The following CPO variants were observed in gnomAD, a reference collection of about 807,000 sequenced individuals.
The protein encoded by CPO is carboxypeptidase O, also known as metallocarboxypeptidase C.
Under a neutral mutation model 41.2 loss-of-function variants are expected in CPO, and 43 were observed. The ratio of observed to expected loss-of-function variants is 1.04; its 90% CI spans 0.82 to 1.35. The LOEUF (loss-of-function observed/expected upper bound fraction) is 1.35. CPO is among the 40% of genes most tolerant of loss of function. The pLI, the probability that CPO is intolerant of heterozygous loss-of-function variation, is 0.00. For missense variants in CPO, 408 were observed against 451.7 expected (o/e 0.90, Z 0.88); for synonymous variants, 178 against 162.7 (o/e 1.09, Z -0.72).
At chr2:206,946,203 C>G (rs1422501200) in intron 1 of CPO, among the ~76,000 whole-genome samples, 1 of 152,008 alleles carries the variant, frequency 6.6e-6, no homozygotes, top group African/African-American at 2.4e-5. Context: ...ACCAATATCT[C>G]TCATGAACAC....
chr2:206,945,315 C>T (rs564996242), intron 1 of CPO, among the ~76,000 whole-genome samples: 2 of 152,274 alleles, frequency 1.3e-5, no homozygotes, highest in Admixed American at 6.5e-5. Flanking sequence ...AAAGTTTGTA[C>T]CCCAACAGCT....
intron 7 of CPO, among the ~76,000 whole-genome samples, chr2:206,962,918 A>T (rs1157043366): frequency 6.6e-6 from 1 of 152,206 alleles, no homozygotes; most frequent in Admixed American, 6.5e-5. Flanking sequence ...ATGCACTTTC[A>T]TTTCTGTAAA....
In CPO at chr2:206,949,060, A is replaced by C. The variant is rs185103313; in HGVS notation, c.69-557A>C. On this transcript the variant is annotated intron_variant, in intron 1 of 8. Transcript: ENST00000272852. Reference sequence around the variant, plus strand: ...TAAATAATAAAGTTTATTTTTAAAAAGATAAACCATTGCAAAAAAAAAAAA... The same window carrying C: ...TAAATAATAAAGTTTATTTTTAAAACGATAAACCATTGCAAAAAAAAAAAA... Among the ~76,000 whole-genome samples the C allele has an allele frequency of 2.9e-3, 404 of 137,628 alleles. 2 individuals are homozygous for C. The highest frequency in any genetic ancestry group is 0.011 in the African/African-American group (399 of 37,506). 90.3% of individuals were successfully genotyped at this position (137,628 alleles called of 152,430 possible).
chr2:206,959,733 TG>T lies in CPO; in HGVS notation c.477del (p.Trp159Ter). 7.0e-7 allele frequency: 1 copy of T among 1,424,330 alleles called. No individual in the cohort carries two copies. Among genetic ancestry groups the T allele is most frequent in the Non-Finnish European group, 9.9e-7 (1 of 1,007,142 alleles). 88.2% of individuals were successfully genotyped at this position (1,424,330 alleles called of 1,614,324 possible). On this transcript the variant is annotated frameshift_variant, in exon 5 of 9. Coordinates refer to ENST00000272852, the MANE Select transcript of CPO (RefSeq NM_173077.3). LOFTEE classifies it high-confidence loss of function. ...TAACATAGATGGTTATATCTACACT[TG>T]GACAACTGTGAGTACACCATGTTTG... ...VLNIDGYIYT[W>X]TTDRLWRKSR...
chr2:206,960,709 C>T (rs1444633916), intron 5 of CPO, 143 bp from the exon 6 acceptor site: 3 of 669,118 alleles, frequency 4.5e-6, no homozygotes, highest in African/African-American at 3.6e-5. Context: ...AAAAATTACA[C>T]ACACAAGCTG....
Position 206,959,698 on chromosome 2 carries a change from T to C in CPO, c.440T>C (p.Leu147Pro). Reference sequence around the variant, plus strand: ...CTTAGGAACCTGGACTTCTATGTCCTTCCAGTTCTTAACATAGATGGTTAT... The same window carrying C: ...CTTAGGAACCTGGACTTCTATGTCCCTCCAGTTCTTAACATAGATGGTTAT... Reference protein sequence around the residue: ...KLLRNLDFYVLPVLNIDGYIY... With the variant: ...KLLRNLDFYVPPVLNIDGYIY... The change falls in exon 5 of 9, where the codon CTT (leucine) becomes CCT (proline). Residue 147 changes from leucine to proline, a missense_variant. By Grantham distance (98) the Leu-to-Pro change is moderately conservative (BLOSUM62 -3). Transcript: ENST00000272852. The C allele has an allele frequency of 6.3e-7, 1 of 1,578,364 alleles. No individual in the cohort carries two copies. The highest frequency in any genetic ancestry group is 2.2e-5 in the East Asian group (1 of 44,700).
rs1462106311 is a variant in CPO, at chr2:206,959,692, A to G, written c.434A>G (p.Tyr145Cys). The change falls in exon 5 of 9, where the codon TAT becomes TGT. Residue 145 changes from tyrosine (Y) to cysteine (C), a missense_variant. Transcript: ENST00000272852. ...AAGCTCCTTAGGAACCTGGACTTCT[A>G]TGTCCTTCCAGTTCTTAACATAGAT... Reference protein sequence around the residue: ...IRKLLRNLDFYVLPVLNIDGY... With the variant: ...IRKLLRNLDFCVLPVLNIDGY... 21 of 1,582,430 alleles carry G rather than the reference A, an allele frequency of 1.3e-5. No individual in the cohort carries two copies. The Admixed American group carries it at 3.2e-4, about 24-fold the overall frequency.
chr2:206,951,110 T>C (rs1325246673), intron 2 of CPO, among the ~76,000 whole-genome samples: 1 of 147,350 alleles, frequency 6.8e-6, no homozygotes, highest in African/African-American at 2.5e-5. Context: ...CCAAAAAAAA[T>C]TATCTTGCAT....
At chr2:206,948,433 G>C (rs1301886670) in intron 1 of CPO, among the ~76,000 whole-genome samples, 2 of 152,148 alleles carry the variant, frequency 1.3e-5, no homozygotes, top group Non-Finnish European at 2.9e-5. Context: ...GAAAGGGAGG[G>C]ATAAATTGGA....
intron 4 of CPO, among the ~76,000 whole-genome samples, chr2:206,958,711 AT>A (rs1200139406): frequency 2.5e-5 from 2 of 80,696 alleles, no homozygotes; most frequent in African/African-American, 4.6e-5. Flanking sequence ...TTCTAATAGT[AT>A]TTGGCAAATT....
chr2:206,941,055 A>T (rs1693020895), intron 1 of CPO, among the ~76,000 whole-genome samples: 1 of 152,148 alleles, frequency 6.6e-6, no homozygotes, highest in Admixed American at 6.6e-5. Context: ...AATACAAAAA[A>T]AATTATGCTG....
intron 2 of CPO, among the ~76,000 whole-genome samples, chr2:206,953,722 C>T (rs533542206): frequency 1.4e-4 from 22 of 152,346 alleles, no homozygotes; most frequent in African/African-American, 5.3e-4. Context: ...GGAGTTCCAA[C>T]CCCACATTTC....
chr2:206,969,207 G>C lies in CPO; in HGVS notation c.896G>C (p.Arg299Pro). The C allele has an allele frequency of 6.2e-7, 1 of 1,614,122 alleles. No individual in the cohort carries two copies. Among genetic ancestry groups the C allele is most frequent in the Non-Finnish European group, 8.5e-7 (1 of 1,179,990 alleles). ...ASSGSSRDWA[R>P]DIGIPFSYTF... ...TCAGGGTCTTCAAGAGATTGGGCCC[G>C]AGACATTGGGATTCCCTTCTCATAT... The change falls in exon 9 of 9, where the codon CGA becomes CCA. Residue 299 changes from arginine (R) to proline (P), a missense_variant. Arg to Pro is a moderately radical substitution (Grantham distance 103). Coordinates refer to ENST00000272852, the MANE Select transcript of CPO (RefSeq NM_173077.3).
At chr2:206,961,768 A>T (rs987824377) in intron 6 of CPO, among the ~76,000 whole-genome samples, 3 of 152,030 alleles carry the variant, frequency 2.0e-5, no homozygotes, top group Admixed American at 1.3e-4. Context: ...CTTTCCAGGC[A>T]TTTGTTTCAG....
At position 206,968,348 on chromosome 2, in the gene CPO, G is replaced by A. The variant is rs750384620; in HGVS notation, c.862+1G>A. The A allele has an allele frequency of 4.4e-6, 7 of 1,578,638 alleles. No homozygotes were observed. Among genetic ancestry groups the A allele is most frequent in the Non-Finnish European group, 6.1e-6 (7 of 1,148,196 alleles). Reference sequence around the variant, plus strand: ...GTTGGATCGAGTGCAGATATTTTATGTAAGTATCTTTTTTTGCCTCTTCAA... The same window carrying A: ...GTTGGATCGAGTGCAGATATTTTATATAAGTATCTTTTTTTGCCTCTTCAA... On this transcript the variant is annotated splice_donor_variant, in intron 8 of 8. Transcript: ENST00000272852. LOFTEE classifies it high-confidence loss of function.
chr2:206,953,364 CA>C (rs375424672), intron 2 of CPO, among the ~76,000 whole-genome samples: 70 of 151,682 alleles, frequency 4.6e-4, no homozygotes, highest in Non-Finnish European at 8.5e-4. Flanking sequence ...ATTCCAAATG[CA>C]AAAAAAATGG....
rs1375632843 is a variant in CPO, at chr2:206,939,668, G to A, written c.68+1G>A. On this transcript the variant is annotated splice_donor_variant, in intron 1 of 8. Transcript: ENST00000272852. LOFTEE classifies it high-confidence loss of function. ...TTCCTGGAGGGCTGGGATATGATAG[G>A]TGAGTGTAAAGTGGGAAGAGGAACT... 6.2e-7 allele frequency: 1 copy of A among 1,609,830 alleles called. No homozygotes were observed.
chr2:206,947,687 C>T (rs993540817), intron 1 of CPO, among the ~76,000 whole-genome samples: 3 of 151,980 alleles, frequency 2.0e-5, no homozygotes, highest in African/African-American at 7.2e-5. Flanking sequence ...ATATAAATAA[C>T]TCTTAAAACT....
intron 5 of CPO, 121 bp from the exon 6 acceptor site, chr2:206,960,731 A>T: frequency 2.7e-6 from 2 of 749,012 alleles, no homozygotes; most frequent in Non-Finnish European, 4.7e-6. Flanking sequence ...CTAATGTTAA[A>T]GGGAAGTTCT....
Sources: allele counts gnomAD v4.1 joint callset (sites outside exome capture counted in the v4.1 genomes callset), GRCh38; gene constraint gnomAD v4.1.1; transcripts MANE v1.5; gene names NCBI Gene and HGNC (gene_info 2026-07-23, HGNC 2026-07-21).